VSNL1: variants seen among roughly 807,000 people sequenced by gnomAD.
VSNL1 encodes the protein visinin-like protein 1.
In VSNL1, 6 loss-of-function variants were observed where a neutral mutation model predicts 20.4. The observed-to-expected ratio is 0.29, with a 90% confidence interval of 0.16 to 0.58. VSNL1 has a LOEUF of 0.58. Among genes scored for constraint, VSNL1 ranks in the 20% least tolerant of loss-of-function variants. The pLI, the probability that VSNL1 is intolerant of heterozygous loss-of-function variation, is 0.90. For synonymous variants in VSNL1, 93 were observed against 86.4 expected (o/e 1.08, Z -0.42); for missense variants, 100 against 234.5 (o/e 0.43, Z 3.75).
intron 2 of VSNL1, among the ~76,000 whole-genome samples, chr2:17,604,418 CATCCCAGCCAGAGCTGGCAGTACAG>C (rs1475555950): frequency 3.3e-5 from 5 of 152,244 alleles, no homozygotes. Flanking sequence ...CTTGTGGTGT[CATCCCAGCCAGAGCTGGCAGTACAG>C]ATCCCAGCCA....
At chr2:17,580,276 C>T (rs1035753982) in intron 1 of VSNL1, among the ~76,000 whole-genome samples, 51 of 152,258 alleles carry the variant, frequency 3.3e-4, no homozygotes, top group African/African-American at 1.2e-3. Context: ...ACCCAAAGGA[C>T]AAAGTAAAGA....
At chr2:17,602,648 G>A (rs1050604570) in intron 2 of VSNL1, among the ~76,000 whole-genome samples, 2 of 152,066 alleles carry the variant, frequency 1.3e-5, no homozygotes, top group African/African-American at 4.8e-5. Flanking sequence ...GCTGAGGCAG[G>A]AGAATTGCTT....
At chr2:17,570,406 C>A (rs1214631264) in intron 1 of VSNL1, among the ~76,000 whole-genome samples, 4 of 152,210 alleles carry the variant, frequency 2.6e-5, no homozygotes, top group South Asian at 4.1e-4. Flanking sequence ...ACTTAATGAG[C>A]TATTTAGGCC....
At chr2:17,597,309 G>A (rs1664733429) in intron 2 of VSNL1, among the ~76,000 whole-genome samples, 8 of 152,156 alleles carry the variant, frequency 5.3e-5, no homozygotes, top group Admixed American at 4.6e-4. Flanking sequence ...ATCTCTCAAT[G>A]TCCTGACCCT....
intron 2 of VSNL1, among the ~76,000 whole-genome samples, chr2:17,603,188 C>A (rs1572359019): frequency 6.6e-6 from 1 of 152,190 alleles, no homozygotes; most frequent in African/African-American, 2.4e-5. Context: ...TTCATTTGAG[C>A]TGCTGTAACA....
chr2:17,649,528 G>C lies in VSNL1; in HGVS notation c.281G>C (p.Arg94Thr). The C allele has an allele frequency of 6.2e-7, 1 of 1,614,136 alleles. No homozygotes were observed. Residue 94 changes from arginine to threonine, a missense_variant, in exon 3 of 4, where the codon AGG becomes ACG. Physicochemically the swap from Arg to Thr is moderately conservative, Grantham distance 71. Coordinates refer to ENST00000295156, the MANE Select transcript of VSNL1 (RefSeq NM_003385.5). The surrounding 1 kb of genome is among the most constrained non-coding windows in gnomAD (Gnocchi z 6.4). ...EFICALSITS[R>T]GSFEQKLNWA... ...ATCTGCGCTCTGTCCATCACCTCCA[G>C]GGGCAGCTTTGAGCAGAAGCTGAAC... is the stretch of plus-strand genomic sequence containing the variant.
intron 2 of VSNL1, among the ~76,000 whole-genome samples, chr2:17,647,518 T>C (rs1189749534): frequency 6.6e-6 from 1 of 152,132 alleles, no homozygotes; most frequent in African/African-American, 2.4e-5. Flanking sequence ...AGGAGCAAAC[T>C]TGCCTATTTA....
intron 1 of VSNL1, among the ~76,000 whole-genome samples, chr2:17,548,936 A>C (rs189100196): frequency 1.3e-5 from 2 of 152,246 alleles, no homozygotes; most frequent in East Asian, 3.9e-4. Flanking sequence ...GCCTCTAGTG[A>C]CTAATGTTCA....
At chr2:17,550,889 C>G (rs1663518881) in intron 1 of VSNL1, among the ~76,000 whole-genome samples, 1 of 152,202 alleles carries the variant, frequency 6.6e-6, no homozygotes, top group African/African-American at 2.4e-5. Flanking sequence ...GTCCTCTTAG[C>G]ACATCTGAAC....
At chr2:17,571,899 A>G (rs552174348) in intron 1 of VSNL1, among the ~76,000 whole-genome samples, 1 of 152,342 alleles carries the variant, frequency 6.6e-6, no homozygotes, top group African/African-American at 2.4e-5. Context: ...GCCATAAAGA[A>G]TCTTAGGAAA....
chr2:17,639,430 A>G (rs764628723), intron 2 of VSNL1, among the ~76,000 whole-genome samples: 8 of 152,144 alleles, frequency 5.3e-5, no homozygotes, highest in Non-Finnish European at 1.0e-4. Context: ...TCCTGGCCTC[A>G]GTGTCTGCCT....
At chr2:17,543,098 A>G (rs1178438812) in intron 1 of VSNL1, among the ~76,000 whole-genome samples, 1 of 152,118 alleles carries the variant, frequency 6.6e-6, no homozygotes, top group Non-Finnish European at 1.5e-5. Flanking sequence ...GGTCCCTTTT[A>G]TACCACCTCA....
At chr2:17,628,537 G>A (rs1353599687) in intron 2 of VSNL1, among the ~76,000 whole-genome samples, 1 of 152,174 alleles carries the variant, frequency 6.6e-6, no homozygotes, top group African/African-American at 2.4e-5. Context: ...GTCCAGAGTT[G>A]TGGGTGAGTT....
chr2:17,584,496 G>T (rs1050153818), intron 1 of VSNL1, among the ~76,000 whole-genome samples: 1 of 152,100 alleles, frequency 6.6e-6, no homozygotes, highest in Non-Finnish European at 1.5e-5. Flanking sequence ...TTTCTAAGTG[G>T]GTTTTAGCTT....
At chr2:17,596,539 C>G (rs184600251) in intron 2 of VSNL1, among the ~76,000 whole-genome samples, 32 of 152,146 alleles carry the variant, frequency 2.1e-4, no homozygotes, top group African/African-American at 7.7e-4. Context: ...GGTCCTCTAC[C>G]TTGGAGAGTT....
chr2:17,575,815 A>T (rs1664198480), intron 1 of VSNL1, among the ~76,000 whole-genome samples: 1 of 152,168 alleles, frequency 6.6e-6, no homozygotes, highest in Non-Finnish European at 1.5e-5. Flanking sequence ...GATTATAGGC[A>T]TGAGCCACTG....
chr2:17,575,697 G>A (rs141970201), intron 1 of VSNL1, among the ~76,000 whole-genome samples: 5,688 of 151,886 alleles, frequency 0.037, 382 homozygotes, highest in African/African-American at 0.13. Context: ...CACCATGCCC[G>A]GCTAATTTTT....
chr2:17,572,777 CA>C (rs942153448), intron 1 of VSNL1, among the ~76,000 whole-genome samples: 1 of 152,210 alleles, frequency 6.6e-6, no homozygotes, highest in Non-Finnish European at 1.5e-5. Context: ...CTGAACATAA[CA>C]TGCTCTTTCA....
chr2:17,609,229 C>G (rs1201209142), intron 2 of VSNL1, among the ~76,000 whole-genome samples: 2 of 152,118 alleles, frequency 1.3e-5, no homozygotes, highest in Non-Finnish European at 2.9e-5. Flanking sequence ...ACCTGGCTCA[C>G]CACAGTGTCA....
Sources: allele counts gnomAD v4.1 joint callset (sites outside exome capture counted in the v4.1 genomes callset), GRCh38; gene constraint gnomAD v4.1.1; non-coding constraint Gnocchi (gnomAD v3.1); transcripts MANE v1.5; gene names NCBI Gene and HGNC (gene_info 2026-07-23, HGNC 2026-07-21).